The following ZNF821 variants were observed in gnomAD, a reference collection of about 807,000 sequenced individuals.
ZNF821 encodes the protein zinc finger protein 821.
Under a neutral mutation model 44.3 loss-of-function variants are expected in ZNF821, and 16 were observed. The ratio of observed to expected loss-of-function variants is 0.36; its 90% CI spans 0.24 to 0.55. The LOEUF is 0.55. Among genes scored for constraint, ZNF821 ranks in the 20% least tolerant of loss-of-function variants. ZNF821 has a pLI of 0.86. For missense variants in ZNF821, 436 were observed against 547.6 expected, an observed-to-expected ratio of 0.80 and a Z score of 2.03; for synonymous variants, 204 against 197.6, an observed-to-expected ratio of 1.03 and a Z score of -0.27.
upstream of ZNF821, among the ~76,000 whole-genome samples, chr16:71,886,946 T>G (rs959661962): frequency 2.6e-5 from 4 of 152,270 alleles, no homozygotes; most frequent in African/African-American, 9.6e-5. Flanking sequence ...GTCTGGCTTT[T>G]GTCACTTAAT....
chr16:71,865,346 C>T (rs1164152448), intron 4 of ZNF821, among the ~76,000 whole-genome samples: 1 of 152,154 alleles, frequency 6.6e-6, no homozygotes, highest in African/African-American at 2.4e-5. Flanking sequence ...ATATCTCACA[C>T]TTCAAATCAC....
upstream of ZNF821, among the ~76,000 whole-genome samples, chr16:71,886,933 C>T (rs921463417): frequency 4.6e-5 from 7 of 152,234 alleles, no homozygotes; most frequent in African/African-American, 7.2e-5. Context: ...TGGGACCTCT[C>T]GTGTCTGGCT....
intron 3 of ZNF821, among the ~76,000 whole-genome samples, chr16:71,879,580 C>G (rs1291484129): frequency 6.6e-6 from 1 of 152,044 alleles, no homozygotes; most frequent in East Asian, 1.9e-4. Context: ...GGTTTAGAGC[C>G]CTGACATCTA....
At chr16:71,874,846 T>A (rs2035626301) in intron 3 of ZNF821, among the ~76,000 whole-genome samples, 1 of 152,214 alleles carries the variant, frequency 6.6e-6, no homozygotes, top group Non-Finnish European at 1.5e-5. Flanking sequence ...ACTCACATGG[T>A]CAGAAAATGA....
chr16:71,882,134 G>A (rs2036487274), intron 2 of ZNF821: 1 of 151,988 alleles, frequency 6.6e-6, no homozygotes. Context: ...GCTGGGCGTG[G>A]TGATGCATGT....
upstream of ZNF821, chr16:71,884,602 C>T (rs1477425394): frequency 1.3e-5 from 2 of 152,284 alleles, no homozygotes; most frequent in African/African-American, 4.8e-5. Flanking sequence ...ACCCTCTTCG[C>T]CTCATTCCCC....
intron 1 of ZNF821, chr16:71,894,578 T>G (rs934630763): frequency 3.2e-5 from 12 of 371,994 alleles, no homozygotes; most frequent in Non-Finnish European, 5.9e-5. Context: ...TAGGCTGGAG[T>G]GCTGTGACGT....
upstream of ZNF821, among the ~76,000 whole-genome samples, chr16:71,887,805 C>T (rs992293229): frequency 6.7e-6 from 1 of 150,280 alleles, no homozygotes. Flanking sequence ...TATTATTGAC[C>T]ATTTGGAGAA....
chr16:71,871,987 A>C (rs1172709548), intron 3 of ZNF821, among the ~76,000 whole-genome samples: 1 of 151,934 alleles, frequency 6.6e-6, no homozygotes, highest in Non-Finnish European at 1.5e-5. Flanking sequence ...AAGCACCACC[A>C]CGCCTGGCTA....
At chr16:71,866,258 G>C (rs1279802931) in intron 4 of ZNF821, among the ~76,000 whole-genome samples, 1 of 152,198 alleles carries the variant, frequency 6.6e-6, no homozygotes, top group Non-Finnish European at 1.5e-5. Context: ...ACCAGTATGA[G>C]AGCAACATAT....
At chr16:71,893,274 G>C (rs1248492293) in intron 1 of ZNF821, among the ~76,000 whole-genome samples, 2 of 149,802 alleles carry the variant, frequency 1.3e-5, no homozygotes, top group Non-Finnish European at 3.0e-5. Flanking sequence ...TGATCCTCCC[G>C]CCTCGGCCTC....
intron 3 of ZNF821, among the ~76,000 whole-genome samples, chr16:71,874,894 A>G (rs2035630589): frequency 6.6e-6 from 1 of 152,266 alleles, no homozygotes; most frequent in Non-Finnish European, 1.5e-5. Flanking sequence ...GCCATACGCA[A>G]TGAAAAGATG....
intron 3 of ZNF821, among the ~76,000 whole-genome samples, chr16:71,876,131 CTTGT>C (rs910028665): frequency 1.3e-5 from 2 of 152,224 alleles, no homozygotes; most frequent in African/African-American, 4.8e-5. Flanking sequence ...CTATACTTGC[CTTGT>C]TTGTGAACCT....
chr16:71,887,261 T>TTC (rs1485475903), upstream of ZNF821, among the ~76,000 whole-genome samples: 1 of 147,224 alleles, frequency 6.8e-6, no homozygotes, highest in Non-Finnish European at 1.5e-5. Context: ...TATTCAACCT[T>TTC]TTTTTTTTTT....
In ZNF821 at chr16:71,883,236, G is replaced by C. The variant is rs1263690744; in HGVS notation, c.-103C>G. The C allele has an allele frequency of 2.2e-6, 1 of 456,278 alleles. No individual in the cohort carries two copies. The highest frequency in any genetic ancestry group is 2.3e-5 in the Admixed American group (1 of 42,564). The allele number at this position is 456,278 out of a possible 1,614,324, so 28.3% of individuals were successfully genotyped here. On this transcript the variant is annotated 5_prime_UTR_variant, in exon 2 of 8. Coordinates refer to ENST00000425432, the MANE Select transcript of ZNF821 (RefSeq NM_001201552.2). ...CTCCAGCTCTGGTGCAGTTCCCACG[G>C]AGCAAAGCAAACTCGACTGAATCCA...
chr16:71,876,003 A>G (rs1443487901), intron 3 of ZNF821, among the ~76,000 whole-genome samples: 1 of 152,224 alleles, frequency 6.6e-6, no homozygotes. Context: ...CATTGGCCAC[A>G]CAAGCCTGAA....
Position 71,860,455 on chromosome 16 carries a change from C to T in ZNF821, c.802G>A (p.Glu268Lys), listed in dbSNP as rs1180757807. ...CGTTCCAGCCGCTGCAGCCGTACTTCCAAAGGCTCATTCTGTCGACGTAGA... is the reference window on the plus strand; with the variant it reads ...CGTTCCAGCCGCTGCAGCCGTACTTTCAAAGGCTCATTCTGTCGACGTAGA... ...WALRRQNEPL[E>K]VRLQRLERER... The change falls in exon 8 of 8, where the codon GAA (glutamate) becomes AAA (lysine). Residue 268 changes from glutamate to lysine, a missense_variant. By Grantham distance (56) the Glu-to-Lys change is moderately conservative (BLOSUM62 1). This residue lies in a region of ZNF821 where 68 missense variants were observed against 57.0 expected (regional missense o/e 1.19). Transcript: ENST00000425432. The surrounding 1 kb of genome is among the most constrained non-coding windows in gnomAD (Gnocchi z 7.3). 1.9e-6 allele frequency: 3 copies of T among 1,614,014 alleles called. No homozygotes were observed. Among genetic ancestry groups the T allele is most frequent in the Non-Finnish European group, 2.5e-6 (3 of 1,180,050 alleles).
chr16:71,864,891 A>T lies in ZNF821; in HGVS notation c.312+12T>A, dbSNP rs547359929. ...ATTGCTGGACCTGGACCCAGGGGCC[A>T]TCGTCACTTGCCTCGTGCTCTACCA... On this transcript the variant is annotated intron_variant, in intron 5 of 7. Coordinates refer to ENST00000425432, the MANE Select transcript of ZNF821 (RefSeq NM_001201552.2). 5.6e-6 allele frequency: 9 copies of T among 1,614,056 alleles called. No individual in the cohort carries two copies. In the South Asian group the frequency reaches 8.8e-5, roughly 16 times the overall value.
rs148130924 is a variant in ZNF821, at chr16:71,860,573, T to G, written c.684A>C (p.Pro228=). ...AEGKDIAFSP[P]VYPAGILLVC... ...CAAGCAGAATTCCAGCAGGGTACAC[T>G]GGAGGACTAAAGGCAATATCCTTCC... Residue 228 remains proline, a synonymous_variant, in exon 8 of 8, where the codon CCA becomes CCC. Transcript: ENST00000425432. The surrounding 1 kb of genome is among the most constrained non-coding windows in gnomAD (Gnocchi z 7.3). 2.8e-5 allele frequency: 45 copies of G among 1,614,026 alleles called. No homozygotes were observed. The African/African-American group carries it at 3.5e-4, about 12-fold the overall frequency.
Sources: allele counts gnomAD v4.1 joint callset (sites outside exome capture counted in the v4.1 genomes callset), GRCh38; gene constraint gnomAD v4.1.1; regional missense constraint gnomAD v4.1.1; non-coding constraint Gnocchi (gnomAD v3.1); transcripts MANE v1.5; gene names NCBI Gene and HGNC (gene_info 2026-07-23, HGNC 2026-07-21).